Variants in C2orf72 observed in about 807,000 individuals in gnomAD.
C2orf72 encodes the protein chromosome 2 open reading frame 72.
A neutral mutation model predicts 14.4 loss-of-function variants in C2orf72; 16 were observed. The observed-to-expected ratio is 1.11, with a 90% CI of 0.75 to 1.69. C2orf72 has a LOEUF of 1.69. Among genes scored for constraint, C2orf72 ranks in the 40% most tolerant of loss-of-function variants. The pLI is 0.00. For missense variants in C2orf72, 371 were observed against 358.3 expected (o/e 1.04, Z -0.29); for synonymous variants, 168 against 176.8 (o/e 0.95, Z 0.40).
chr2:231,041,302 G>A lies in C2orf72; in HGVS notation c.641G>A (p.Gly214Glu). ...QAAGAGQPVEGAWERPGLPGL... is the reference protein window; with the variant it reads ...QAAGAGQPVEEAWERPGLPGL... ...GGTTTTGTGTTCTTCCTAGTGGAAG[G>A]AGCCTGGGAGAGGCCAGGCCTCCCC... Residue 214 changes from glycine to glutamate, a missense_variant, in exon 2 of 3, where the codon GGA (glycine) becomes GAA (glutamate). By Grantham distance (98) the Gly-to-Glu change is moderately conservative. Transcript: ENST00000373640. 1 of 1,549,924 alleles carries A rather than the reference G, an allele frequency of 6.5e-7. No homozygotes were observed. The highest frequency in any genetic ancestry group is 8.7e-7 in the Non-Finnish European group (1 of 1,146,024).
In C2orf72 at chr2:231,047,119, C is replaced by A. The variant is rs761326889; in HGVS notation, c.*98C>A. The A allele has an allele frequency of 2.1e-6, 3 of 1,453,538 alleles. No homozygotes were observed. Among genetic ancestry groups the A allele is most frequent in the South Asian group, 2.4e-5 (2 of 81,698 alleles). 90.0% of individuals were successfully genotyped at this position (1,453,538 alleles called of 1,614,324 possible). A position where few individuals can be genotyped will look rare whatever the true frequency, so the allele number is the denominator to read the frequency against. On this transcript the variant is annotated 3_prime_UTR_variant, in exon 3 of 3. Coordinates refer to ENST00000373640, the MANE Select transcript of C2orf72 (RefSeq NM_001144994.2). ...GTCTCCATGGAGACTGCAGAAACCC[C>A]CGCCTGCTGGAGGCCTGCCACACTC... is the stretch of plus-strand genomic sequence containing the variant.
Position 231,041,386 on chromosome 2 carries a change from C to G in C2orf72, c.725C>G (p.Ala242Gly). Residue 242 changes from alanine (A) to glycine (G), a missense_variant, in exon 2 of 3, where the codon GCT becomes GGT. Coordinates refer to ENST00000373640, the MANE Select transcript of C2orf72 (RefSeq NM_001144994.2). ...PWSRRKNQDVAACRSSAQEDF... is the reference protein window; with the variant it reads ...PWSRRKNQDVGACRSSAQEDF... ...AGCCGGAGGAAGAACCAGGATGTTG[C>G]TGCCTGCAGAAGCTCAGCTCAGGGT... 1 of 1,551,484 alleles carries G rather than the reference C, an allele frequency of 6.4e-7. No homozygotes were observed. The highest frequency in any genetic ancestry group is 8.7e-7 in the Non-Finnish European group (1 of 1,146,918).
intron 2 of C2orf72, among the ~76,000 whole-genome samples, chr2:231,046,334 GTGTGTT>G: frequency 6.9e-6 from 1 of 144,924 alleles, no homozygotes; most frequent in Non-Finnish European, 1.5e-5. Context: ...GTGTGTGTGT[GTGTGTT>G]TAGGTCTGTG....
At chr2:231,046,293 T>A (rs1239919443) in intron 2 of C2orf72, among the ~76,000 whole-genome samples, 1 of 26,170 alleles carries the variant, frequency 3.8e-5, no homozygotes, top group Non-Finnish European at 6.6e-5. Context: ...TTCTATGCAG[T>A]GTGTGTGTGT....
At chr2:231,043,394 A>T (rs532702014) in intron 2 of C2orf72, among the ~76,000 whole-genome samples, 2 of 152,104 alleles carry the variant, frequency 1.3e-5, no homozygotes, top group Non-Finnish European at 2.9e-5. Flanking sequence ...ACTCAAAAAA[A>T]AGTACAAAAA....
intron 2 of C2orf72, among the ~76,000 whole-genome samples, chr2:231,042,374 T>C (rs1693355705): frequency 6.6e-6 from 1 of 152,208 alleles, no homozygotes. Flanking sequence ...CATATATACC[T>C]ACGATAAAGC....
At chr2:231,039,170 T>C (rs974420080) in intron 1 of C2orf72, among the ~76,000 whole-genome samples, 1 of 151,562 alleles carries the variant, frequency 6.6e-6, no homozygotes, top group Non-Finnish European at 1.5e-5. Context: ...CCAGGGACTG[T>C]TGTGGCGTAG....
chr2:231,045,550 C>T (rs1265063893), intron 2 of C2orf72, among the ~76,000 whole-genome samples: 4 of 126,738 alleles, frequency 3.2e-5, no homozygotes, highest in Non-Finnish European at 6.3e-5. Flanking sequence ...CAGAGTCTAG[C>T]TCTGTCACCC....
intron 2 of C2orf72, 35 bp downstream of exon 2, chr2:231,041,444 C>A: frequency 6.8e-7 from 1 of 1,466,324 alleles, no homozygotes; most frequent in Non-Finnish European, 9.3e-7. Context: ...TCCTGAGGGC[C>A]AGGTGCATGG....
chr2:231,046,854 T>C, intron 2 of C2orf72, 28 bp from the exon 3 acceptor site: 3 of 1,536,344 alleles, frequency 2.0e-6, no homozygotes, highest in Non-Finnish European at 2.6e-6. Flanking sequence ...TCTCTTCTGA[T>C]TCAGTGATTT....
In C2orf72 at chr2:231,047,561, T is replaced by G; in HGVS notation, c.*540T>G. 1 of 261,702 alleles carries G rather than the reference T, an allele frequency of 3.8e-6. No homozygotes were observed. The highest frequency in any genetic ancestry group is 1.4e-3 in the Middle Eastern group (1 of 700). The allele number at this position is 261,702 out of a possible 1,614,324, so 16.2% of individuals were successfully genotyped here. ...CTCCAGGCAGCATTGGAAATGTGTG[T>G]GTGTTGAGGGGGTCACAGTGACTGT... On this transcript the variant is annotated 3_prime_UTR_variant, in exon 3 of 3. Transcript: ENST00000373640.
Position 231,037,852 on chromosome 2 carries a change from C to T in C2orf72, c.287C>T (p.Ala96Val). 2.1e-5 allele frequency: 20 copies of T among 972,988 alleles called. No homozygotes were observed. The highest frequency in any genetic ancestry group is 2.3e-5 in the Non-Finnish European group (19 of 822,898). 60.3% of individuals were successfully genotyped at this position (972,988 alleles called of 1,614,324 possible). ...ARAAGAAGAA[A>V]AAARAIRSPL... Reference sequence around the variant, plus strand: ...GCGGCTGGGGCGGCGGGGGCGGCGGCGGCGGCGGCGCGCGCCATCCGCTCG... The same window carrying T: ...GCGGCTGGGGCGGCGGGGGCGGCGGTGGCGGCGGCGCGCGCCATCCGCTCG... The change falls in exon 1 of 3, where the codon GCG becomes GTG. Residue 96 changes from alanine (A) to valine (V), a missense_variant. Physicochemically the swap from Ala to Val is moderately conservative, Grantham distance 64 (BLOSUM62 0). Coordinates refer to ENST00000373640, the MANE Select transcript of C2orf72 (RefSeq NM_001144994.2).
intron 2 of C2orf72, 120 bp from the exon 3 acceptor site, chr2:231,046,762 G>A: frequency 1.0e-6 from 1 of 986,320 alleles, no homozygotes. Context: ...TTTTTGATAT[G>A]TATTTTGTTT....
intron 1 of C2orf72, 152 bp from the exon 2 acceptor site, chr2:231,041,144 C>A (rs1574688937): frequency 7.4e-6 from 4 of 538,188 alleles, no homozygotes; most frequent in South Asian, 2.9e-5. Context: ...AAAAACCCAC[C>A]CACTTTTGCA....
Position 231,038,140 on chromosome 2 carries a change from G to C in C2orf72, c.575G>C (p.Cys192Ser). ...AAYCPGLPAS[C>S]LAVQAAACRA... The stretch of plus-strand genomic sequence containing the variant: ...TACTGCCCCGGCCTCCCGGCCTCCT[G>C]CCTGGCCGTCCAGGCGGCCGCCTGC... Residue 192 changes from cysteine to serine, a missense_variant, in exon 1 of 3, where the codon TGC becomes TCC. Coordinates refer to ENST00000373640, the MANE Select transcript of C2orf72 (RefSeq NM_001144994.2). The C allele has an allele frequency of 8.4e-7, 1 of 1,184,144 alleles. No homozygotes were observed. Among genetic ancestry groups the C allele is most frequent in the Non-Finnish European group, 1.0e-6 (1 of 957,286 alleles). The allele number at this position is 1,184,144 out of a possible 1,614,324, so 73.4% of individuals were successfully genotyped here.
At chr2:231,040,714 G>A (rs1003992921) in intron 1 of C2orf72, among the ~76,000 whole-genome samples, 2 of 152,148 alleles carry the variant, frequency 1.3e-5, no homozygotes, top group Non-Finnish European at 2.9e-5. Flanking sequence ...TACCCAGTTC[G>A]TGGTACCTAA....
chr2:231,041,047 C>A, intron 1 of C2orf72: 1 of 362,218 alleles, frequency 2.8e-6, no homozygotes, highest in Non-Finnish European at 5.0e-6. Context: ...ATTTCCTCAA[C>A]ATGGTACCTA....
rs1186437174 is a variant in C2orf72 at position 231,038,070 on chromosome 2, G to T, written c.505G>T (p.Ala169Ser). 9 of 1,130,182 alleles carry T rather than the reference G, an allele frequency of 8.0e-6. No homozygotes were observed. Among genetic ancestry groups the T allele is most frequent in the Non-Finnish European group, 8.7e-6 (8 of 923,792 alleles). 70.0% of individuals were successfully genotyped at this position (1,130,182 alleles called of 1,614,324 possible). The change falls in exon 1 of 3, where the codon GCC (alanine) becomes TCC (serine). Residue 169 changes from alanine (A) to serine (S), a missense_variant. Ala to Ser is a moderately conservative substitution (Grantham distance 99, BLOSUM62 1). Transcript: ENST00000373640. ...GLRLLEALLRAVFGRQAGGPV... is the reference protein window; with the variant it reads ...GLRLLEALLRSVFGRQAGGPV... ...GCGGCTGCTGGAGGCGCTGTTGCGC[G>T]CCGTGTTCGGCCGCCAGGCGGGGGG... is the stretch of plus-strand genomic sequence containing the variant.
At chr2:231,041,495 C>A in intron 2 of C2orf72, 86 bp downstream of exon 2, 1 of 966,528 alleles carries the variant, frequency 1.0e-6, no homozygotes, top group Non-Finnish European at 1.6e-6. Flanking sequence ...ACCTTAGGGA[C>A]AGAGTGGACC....
Sources: gnomAD v4.1 joint callset for allele counts (sites outside exome capture counted in the v4.1 genomes callset) on GRCh38, gnomAD v4.1.1 for gene constraint, MANE v1.5 for transcripts, NCBI Gene and HGNC (gene_info 2026-07-23, HGNC 2026-07-21) for gene names.